TXLNB: variants seen among roughly 807,000 people sequenced by gnomAD.
TXLNB encodes beta-taxilin.
In TXLNB, 37 loss-of-function variants were observed where a neutral mutation model predicts 57.4. The ratio of observed to expected loss-of-function variants is 0.64; its 90% confidence interval spans 0.50 to 0.85. The LOEUF (loss-of-function observed/expected upper bound fraction) is 0.85. Among genes scored for constraint, TXLNB ranks in the 40% least tolerant of loss-of-function variants. TXLNB has a pLI of 0.00. For missense variants in TXLNB, 848 were observed against 825.6 expected (o/e 1.03, Z -0.33); for synonymous variants, 302 against 309.6 (o/e 0.98, Z 0.26).
chr6:139,248,591 G>C (rs1776123469), intron 7 of TXLNB, among the ~76,000 whole-genome samples: 1 of 152,214 alleles, frequency 6.6e-6, no homozygotes, highest in African/African-American at 2.4e-5. Context: ...TGCATGGACT[G>C]TATGTACAGA....
the TXLNB span, among the ~76,000 whole-genome samples, chr6:139,313,115 C>G: frequency 6.6e-6 from 1 of 151,806 alleles, no homozygotes; most frequent in African/African-American, 2.4e-5. Flanking sequence ...CTCTGTTGCC[C>G]AGGCTGGAGT....
At chr6:139,254,315 T>TTGTGTGTGTG (rs60108019) in intron 7 of TXLNB, among the ~76,000 whole-genome samples, 9,171 of 150,066 alleles carry the variant, frequency 0.061, 398 homozygotes, top group African/African-American at 0.12. Context: ...TGAACACGAT[T>TTGTGTGTGTG]TGTGTGTGTG....
chr6:139,287,762 CT>C (rs755050729), intron 2 of TXLNB, among the ~76,000 whole-genome samples: 15 of 152,208 alleles, frequency 9.9e-5, no homozygotes, highest in South Asian at 4.1e-4. Context: ...AATTAACGTT[CT>C]CACCCTTTTT....
chr6:139,279,350 T>G lies in TXLNB; in HGVS notation c.425-2429A>C, dbSNP rs536724743. On this transcript the variant is annotated intron_variant, in intron 2 of 9. Transcript: ENST00000358430. ...ACTGAGGTCTCTTTCTGCTCTACTG[T>G]GTTATTTTGTATAGAAGGTTAACAT... Among the ~76,000 whole-genome samples the G allele has an allele frequency of 9.2e-5, 14 of 152,318 alleles. 1 individual carries two copies. Among genetic ancestry groups the G allele is most frequent in the African/African-American group, 3.4e-4 (14 of 41,578 alleles).
At chr6:139,255,746 A>G (rs1776321459) in intron 6 of TXLNB, 108 bp from the exon 7 acceptor site, 1 of 803,044 alleles carries the variant, frequency 1.2e-6, no homozygotes, top group Non-Finnish European at 2.0e-6. Context: ...AACCTCCTTA[A>G]GTAATTTTTT....
At chr6:139,256,839 G>A (rs1441098472) in intron 6 of TXLNB, among the ~76,000 whole-genome samples, 2 of 152,232 alleles carry the variant, frequency 1.3e-5, no homozygotes, top group Non-Finnish European at 2.9e-5. Context: ...TACAGAGTGT[G>A]ACTGAATTCT....
chr6:139,218,463 C>T, the TXLNB span, among the ~76,000 whole-genome samples: 2 of 151,932 alleles, frequency 1.3e-5, no homozygotes, highest in African/African-American at 4.8e-5. Context: ...AAGAAGATTC[C>T]AAATATAGGC....
chr6:139,315,825 T>C, the TXLNB span, among the ~76,000 whole-genome samples: 2 of 152,294 alleles, frequency 1.3e-5, no homozygotes, highest in Middle Eastern at 3.4e-3. Context: ...ACAATTACTT[T>C]CTTATAAATT....
At chr6:139,261,381 AC>A (rs1218116879) in intron 5 of TXLNB, among the ~76,000 whole-genome samples, 1 of 152,032 alleles carries the variant, frequency 6.6e-6, no homozygotes, top group African/African-American at 2.4e-5. Context: ...TTCTTGATTT[AC>A]CTAACCACCG....
chr6:139,231,209 T>C, the TXLNB span, among the ~76,000 whole-genome samples: 1 of 152,180 alleles, frequency 6.6e-6, no homozygotes, highest in Non-Finnish European at 1.5e-5. Flanking sequence ...TACTTGGAGA[T>C]CTGGGTATCA....
the TXLNB span, among the ~76,000 whole-genome samples, chr6:139,192,389 C>G: frequency 2.0e-5 from 3 of 152,224 alleles, no homozygotes; most frequent in African/African-American, 7.2e-5. Context: ...ACCCTTTGGG[C>G]TCCTTTTCAA....
chr6:139,201,485 GT>G, the TXLNB span, among the ~76,000 whole-genome samples: 25 of 149,012 alleles, frequency 1.7e-4, no homozygotes, highest in South Asian at 6.4e-4. Context: ...GTATTATGTT[GT>G]TTTTTTTTTG....
At chr6:139,261,731 T>C (rs1023411825) in intron 5 of TXLNB, among the ~76,000 whole-genome samples, 2 of 152,088 alleles carry the variant, frequency 1.3e-5, no homozygotes, top group African/African-American at 4.8e-5. Flanking sequence ...TATATTATTA[T>C]CTAATGCATA....
the TXLNB span, among the ~76,000 whole-genome samples, chr6:139,193,969 G>A: frequency 6.7e-6 from 1 of 150,264 alleles, no homozygotes; most frequent in East Asian, 1.9e-4. Context: ...AGCCTCCCGA[G>A]TAGCTGGGAC....
At chr6:139,166,553 G>A in the TXLNB span, 1 of 1,614,264 alleles carries the variant, frequency 6.2e-7, no homozygotes, top group South Asian at 1.1e-5. Flanking sequence ...TTGCCGCTGT[G>A]GCCAGGGCCA....
chr6:139,268,151 C>CAA (rs59647726), intron 4 of TXLNB, among the ~76,000 whole-genome samples: 8,571 of 63,774 alleles, frequency 0.13, 655 homozygotes, highest in African/African-American at 0.25. Context: ...CTCCATCTCA[C>CAA]AAAAAAAAAA....
intron 1 of TXLNB, among the ~76,000 whole-genome samples, chr6:139,289,233 C>A (rs1160267181): frequency 6.6e-6 from 1 of 152,182 alleles, no homozygotes; most frequent in African/African-American, 2.4e-5. Context: ...GTTATGTTAT[C>A]TATAGATTAC....
At chr6:139,236,344 G>A (rs1030751776), downstream of TXLNB, among the ~76,000 whole-genome samples, 8 of 152,080 alleles carry the variant, frequency 5.3e-5, no homozygotes, top group African/African-American at 1.4e-4. Context: ...TGCTCTCCAC[G>A]ACCTGCCCTT....
In TXLNB at chr6:139,255,626, C is replaced by T; in HGVS notation, c.1015G>A (p.Ala339Thr). 2 of 1,613,602 alleles carry T rather than the reference C, an allele frequency of 1.2e-6. No homozygotes were observed. Among genetic ancestry groups the T allele is most frequent in the Non-Finnish European group, 1.7e-6 (2 of 1,179,656 alleles). ...TTCGCCTGAAGTTTCCACTCTGCTG[C>T]CTGGTTCAGCAACTATGAGAAGAGA... is the stretch of plus-strand genomic sequence containing the variant. ...KREKEYLLNQAAEWKLQAKVL... is the reference protein window; with the variant it reads ...KREKEYLLNQTAEWKLQAKVL... The change falls in exon 7 of 10, where the codon GCA becomes ACA. Residue 339 changes from alanine to threonine, a missense_variant. Transcript: ENST00000358430.
Sources: allele counts gnomAD v4.1 joint callset (sites outside exome capture counted in the v4.1 genomes callset), GRCh38; gene constraint gnomAD v4.1.1; transcripts MANE v1.5; gene names NCBI Gene and HGNC (gene_info 2026-07-23, HGNC 2026-07-21).